PHF3: variants seen among roughly 807,000 people sequenced by gnomAD.
The protein encoded by PHF3 is PHD finger protein 3.
Under a neutral mutation model 178.4 loss-of-function variants are expected in PHF3, and 41 were observed. That is an observed-to-expected ratio of 0.23 (90% CI 0.18 to 0.30). The LOEUF (loss-of-function observed/expected upper bound fraction) is 0.30. Among genes scored for constraint, PHF3 ranks in the 10% least tolerant of loss-of-function variants. The pLI, the probability that PHF3 is intolerant of heterozygous loss-of-function variation, is 1.00. For missense variants in PHF3, 2,346 were observed against 2,398.1 expected (o/e 0.98, Z 0.45); for synonymous variants, 842 against 800.5 (o/e 1.05, Z -0.88).
At position 63,716,950 on chromosome 6, in the gene PHF3, CAT is replaced by C. The variant is rs1267293818; in HGVS notation, c.*3245_*3246del. Among the ~76,000 whole-genome samples the C allele has an allele frequency of 4.6e-5, 7 of 151,982 alleles. No homozygotes were observed. The highest frequency in any genetic ancestry group is 3.9e-4 in the Admixed American group (6 of 15,228). On this transcript the variant is annotated 3_prime_UTR_variant, in exon 16 of 16. Coordinates refer to ENST00000262043, the MANE Select transcript of PHF3 (RefSeq NM_001370348.2). Reference sequence around the variant, plus strand: ...AATTCCCTATTCCCATGTAACCTAACATATTTACAGGTGTTCCAAGGATTGGG... The same window carrying C: ...AATTCCCTATTCCCATGTAACCTAACATTTACAGGTGTTCCAAGGATTGGG...
intron 6 of PHF3, among the ~76,000 whole-genome samples, chr6:63,696,216 G>A (rs1386069782): frequency 6.6e-6 from 1 of 152,146 alleles, no homozygotes; most frequent in Admixed American, 6.5e-5. Context: ...TCATATAAGG[G>A]CATACTCAAC....
intron 9 of PHF3, 44 bp from the exon 10 acceptor site, chr6:63,702,464 A>G: frequency 2.3e-6 from 3 of 1,324,622 alleles, no homozygotes; most frequent in Non-Finnish European, 3.1e-6. Context: ...ACTTGGAAAT[A>G]CATATTTTAA....
Position 63,706,089 on chromosome 6 carries a change from T to C in PHF3, c.3428T>C (p.Val1143Ala). Reference sequence around the variant, plus strand: ...AAAAAAGTAAAAGTTGTTGTAGGAGTAGCTCGCAAACATTCAGACAATGAA... The same window carrying C: ...AAAAAAGTAAAAGTTGTTGTAGGAGCAGCTCGCAAACATTCAGACAATGAA... The part of the protein sequence containing the change: ...SPKKVKVVVG[V>A]ARKHSDNEAE... Residue 1143 changes from valine (V) to alanine (A), a missense_variant, in exon 12 of 16, where the codon GTA becomes GCA. Transcript: ENST00000262043. 6.2e-7 allele frequency: 1 copy of C among 1,613,802 alleles called. No individual in the cohort carries two copies. The highest frequency in any genetic ancestry group is 1.1e-5 in the South Asian group (1 of 91,062).
At chr6:63,681,468 C>T (rs1766432140) in intron 3 of PHF3, among the ~76,000 whole-genome samples, 1 of 152,026 alleles carries the variant, frequency 6.6e-6, no homozygotes, top group South Asian at 2.1e-4. Flanking sequence ...ACTGGTCCCT[C>T]TGTTTTCTTT....
intron 4 of PHF3, among the ~76,000 whole-genome samples, chr6:63,686,916 G>A (rs1766732621): frequency 6.6e-6 from 1 of 152,156 alleles, no homozygotes; most frequent in South Asian, 2.1e-4. Flanking sequence ...TGATTGGGGA[G>A]ATCGGAAAGG....
intron 3 of PHF3, among the ~76,000 whole-genome samples, chr6:63,682,582 G>A (rs1460251881): frequency 1.3e-5 from 2 of 152,026 alleles, no homozygotes; most frequent in Non-Finnish European, 2.9e-5. Flanking sequence ...CTTGATCTAT[G>A]TTTTTAATAC....
Position 63,638,540 on chromosome 6 carries a change from GA to G in PHF3, c.-26+2391del, listed in dbSNP as rs144140564. 5.1e-3 allele frequency among the ~76,000 whole-genome samples: 776 copies of G among 152,132 alleles called. 1 individual carries two copies. The highest frequency in any genetic ancestry group is 8.4e-3 in the Non-Finnish European group (572 of 67,940). ...TTTCTGTTTTTTAGTGAGATAATGA[GA>G]TTTTTTGGTCAACATTTAGGTTTGT... On this transcript the variant is annotated intron_variant, in intron 1 of 15. Transcript: ENST00000262043.
Position 63,685,536 on chromosome 6 carries a change from G to C in PHF3, c.1814G>C (p.Gly605Ala). The change falls in exon 4 of 16, where the codon GGT becomes GCT. Residue 605 changes from glycine (G) to alanine (A), a missense_variant. Gly to Ala is a moderately conservative substitution (Grantham distance 60). Around this residue, in one of 8 missense-constraint regions of PHF3, gnomAD observed 843 missense variants for 795.2 expected, o/e 1.06. Coordinates refer to ENST00000262043, the MANE Select transcript of PHF3 (RefSeq NM_001370348.2). ...SLSDKSHAHP[G>A]CLKEPHHPAQ... ...AGTGATAAGTCACACGCTCATCCTGGTTGCTTGAAAGAACCTCATCATCCT... is the reference window on the plus strand; with the variant it reads ...AGTGATAAGTCACACGCTCATCCTGCTTGCTTGAAAGAACCTCATCATCCT... 6.2e-7 allele frequency: 1 copy of C among 1,614,024 alleles called. No individual in the cohort carries two copies. Among genetic ancestry groups the C allele is most frequent in the Non-Finnish European group, 8.5e-7 (1 of 1,180,004 alleles).
intron 2 of PHF3, among the ~76,000 whole-genome samples, chr6:63,672,854 C>T (rs1765980419): frequency 6.6e-6 from 1 of 152,348 alleles, no homozygotes; most frequent in Non-Finnish European, 1.5e-5. Context: ...AGTGTGTTCA[C>T]ATAAGGCAAA....
Position 63,720,403 on chromosome 6 carries a change from ATAAAT to A in PHF3, c.*6698_*6702del, listed in dbSNP as rs1554163809. 5.8e-6 allele frequency: 3 copies of A among 514,538 alleles called. No individual in the cohort carries two copies. Among genetic ancestry groups the A allele is most frequent in the South Asian group, 7.4e-5 (2 of 27,174 alleles). 31.9% of individuals were successfully genotyped at this position (514,538 alleles called of 1,614,324 possible). On this transcript the variant is annotated 3_prime_UTR_variant, in exon 16 of 16. Transcript: ENST00000262043. ...AAAACATGAATCAAAATATATACAG[ATAAAT>A]TAGATGTAGGAAAAACAATCAGAAC...
At position 63,715,971 on chromosome 6, in the gene PHF3, A is replaced by G. The variant is rs895705771; in HGVS notation, c.*2263A>G. ...ACCTGCTCTTTAAAAAAAGTTTTACACTTAAAAAAACTTAGAATCATCTTA... is the reference window on the plus strand; with the variant it reads ...ACCTGCTCTTTAAAAAAAGTTTTACGCTTAAAAAAACTTAGAATCATCTTA... On this transcript the variant is annotated 3_prime_UTR_variant, in exon 16 of 16. Transcript: ENST00000262043. Among the ~76,000 whole-genome samples the G allele has an allele frequency of 1.2e-4, 19 of 152,224 alleles. No homozygotes were observed. Among genetic ancestry groups the G allele is most frequent in the Admixed American group, 4.6e-4 (7 of 15,260 alleles).
Position 63,667,110 on chromosome 6 carries a change from G to A in PHF3, c.245-12890G>A, listed in dbSNP as rs534431116. Among the ~76,000 whole-genome samples, 4 of 152,166 alleles carry A rather than the reference G, an allele frequency of 2.6e-5. No homozygotes were observed. In the East Asian group the frequency reaches 5.8e-4, roughly 22 times the overall value. On this transcript the variant is annotated intron_variant, in intron 2 of 15. Transcript: ENST00000262043. ...TCCTCCTACCTTGGCCTTCGAAAGT[G>A]CTGGGATTACAGATATGAGTACCAT... is the stretch of plus-strand genomic sequence containing the variant.
chr6:63,683,373 T>TA (rs576673175), intron 3 of PHF3, among the ~76,000 whole-genome samples: 84 of 152,216 alleles, frequency 5.5e-4, no homozygotes, highest in African/African-American at 2.0e-3. Flanking sequence ...TTTCTCCTGA[T>TA]ACAAGGGGGG....
At chr6:63,639,866 G>A (rs942000415) in intron 1 of PHF3, among the ~76,000 whole-genome samples, 2 of 152,106 alleles carry the variant, frequency 1.3e-5, no homozygotes, top group Non-Finnish European at 2.9e-5. Context: ...CTACTTTGGT[G>A]GTTTATTCAA....
intron 1 of PHF3, among the ~76,000 whole-genome samples, chr6:63,643,099 T>A (rs1453876751): frequency 6.6e-6 from 1 of 152,086 alleles, no homozygotes; most frequent in African/African-American, 2.4e-5. Context: ...ATTACAGACT[T>A]TATTCTGATT....
intron 2 of PHF3, chr6:63,678,750 G>T: frequency 2.3e-6 from 1 of 429,230 alleles, no homozygotes; most frequent in Non-Finnish European, 4.6e-6. Flanking sequence ...GATTCTGTTT[G>T]TTGTCAAATT....
At chr6:63,707,269 ATGTTT>A (rs1767735480) in intron 13 of PHF3, among the ~76,000 whole-genome samples, 1 of 152,172 alleles carries the variant, frequency 6.6e-6, no homozygotes, top group South Asian at 2.1e-4. Flanking sequence ...CCCACTGCTT[ATGTTT>A]CCCCATCTTC....
At chr6:63,650,391 T>C (rs1282871902) in intron 2 of PHF3, among the ~76,000 whole-genome samples, 1 of 152,178 alleles carries the variant, frequency 6.6e-6, no homozygotes, top group African/African-American at 2.4e-5. Flanking sequence ...CCCAAATATT[T>C]GGGAAGAGTT....
chr6:63,657,606 T>G (rs991601857), intron 2 of PHF3, among the ~76,000 whole-genome samples: 1 of 152,130 alleles, frequency 6.6e-6, no homozygotes, highest in Admixed American at 6.6e-5. Flanking sequence ...TCTTCATGTT[T>G]AGTAGGTTGT....
Sources: allele counts gnomAD v4.1 joint callset (sites outside exome capture counted in the v4.1 genomes callset), GRCh38; gene constraint gnomAD v4.1.1; regional missense constraint gnomAD v4.1.1; transcripts MANE v1.5; gene names NCBI Gene and HGNC (gene_info 2026-07-23, HGNC 2026-07-21).